Variants in INPP5F observed in about 807,000 individuals in gnomAD.
INPP5F encodes inositol polyphosphate-5-phosphatase F, also known as phosphatidylinositide 4-phosphatase SAC2.
Under a neutral mutation model 137.2 loss-of-function variants are expected in INPP5F, and 97 were observed. The ratio of observed to expected loss-of-function variants is 0.71; its 90% confidence interval spans 0.60 to 0.84. The LOEUF is 0.84. Ranked by LOEUF, INPP5F falls within the 40% of genes least tolerant of loss-of-function variation. The pLI, the probability that INPP5F is intolerant of heterozygous loss-of-function variation, is 0.00. For missense variants in INPP5F, 1,271 were observed against 1,371.9 expected (o/e 0.93, Z 1.16); for synonymous variants, 504 against 476.9 (o/e 1.06, Z -0.74).
chr10:119,777,183 C>T (rs1332370903), intron 2 of INPP5F, among the ~76,000 whole-genome samples: 10 of 152,148 alleles, frequency 6.6e-5, no homozygotes, highest in African/African-American at 1.9e-4. Context: ...GGATGACCCA[C>T]CATGCCTGGC....
chr10:119,773,784 T>A (rs887720373), intron 2 of INPP5F, among the ~76,000 whole-genome samples: 2 of 152,134 alleles, frequency 1.3e-5, no homozygotes, highest in African/African-American at 2.4e-5. Context: ...ACTGACAACT[T>A]CTTGAACTTC....
chr10:119,805,354 A>G, intron 10 of INPP5F, 30 bp from the exon 11 acceptor site: 1 of 1,562,068 alleles, frequency 6.4e-7, no homozygotes, highest in Non-Finnish European at 8.8e-7. Context: ...TAAATTAAAG[A>G]TTTTTTCTTT....
At chr10:119,761,423 T>C (rs1171076557) in intron 2 of INPP5F, among the ~76,000 whole-genome samples, 1 of 152,242 alleles carries the variant, frequency 6.6e-6, no homozygotes, top group East Asian at 1.9e-4. Context: ...GATGTACTTT[T>C]AGCTATTAGG....
intron 6 of INPP5F, among the ~76,000 whole-genome samples, chr10:119,795,814 G>T (rs1317897512): frequency 6.6e-6 from 1 of 152,212 alleles, no homozygotes; most frequent in Non-Finnish European, 1.5e-5. Context: ...ACGAGACTCC[G>T]TCTGCAATCC....
At position 119,794,749 on chromosome 10, in the gene INPP5F, A is replaced by AC. The variant is rs1416525983; in HGVS notation, c.670-1959dup. Among the ~76,000 whole-genome samples, 4 of 43,248 alleles carry AC rather than the reference A, an allele frequency of 9.2e-5. No homozygotes were observed. The East Asian group carries it at 2.2e-3, about 24-fold the overall frequency. 28.4% of individuals were successfully genotyped at this position (43,248 alleles called of 152,430 possible). On this transcript the variant is annotated intron_variant, in intron 6 of 19. Coordinates refer to ENST00000650623, the MANE Select transcript of INPP5F (RefSeq NM_014937.4). ...GGCGGCTGGCCAGGTGGGGGGGCTGACCCCCCCACCTCCCTCCCGGACGGG... is the reference window on the plus strand; with the variant it reads ...GGCGGCTGGCCAGGTGGGGGGGCTGACCCCCCCCACCTCCCTCCCGGACGGG...
chr10:119,732,659 C>A (rs1196089125), intron 1 of INPP5F, among the ~76,000 whole-genome samples: 1 of 151,872 alleles, frequency 6.6e-6, no homozygotes, highest in African/African-American at 2.4e-5. Flanking sequence ...TGCCACCATG[C>A]CTGGCTAATT....
At chr10:119,744,112 T>A (rs550692656) in intron 1 of INPP5F, among the ~76,000 whole-genome samples, 2 of 152,292 alleles carry the variant, frequency 1.3e-5, no homozygotes, top group East Asian at 3.9e-4. Flanking sequence ...TTTTGTTTTC[T>A]CTTCTATTCT....
chr10:119,744,399 CTT>C (rs1186778543), intron 1 of INPP5F, among the ~76,000 whole-genome samples: 1 of 152,164 alleles, frequency 6.6e-6, no homozygotes, highest in Non-Finnish European at 1.5e-5. Context: ...ATCTGCTTCT[CTT>C]CTCCATTTCT....
chr10:119,732,500 CTTT>C (rs59388357), intron 1 of INPP5F, among the ~76,000 whole-genome samples: 2 of 115,556 alleles, frequency 1.7e-5, no homozygotes, highest in African/African-American at 3.4e-5. Flanking sequence ...TTTCTTTTTT[CTTT>C]TTTTTTTTTT....
Position 119,828,684 on chromosome 10 carries a change from ATC to A in INPP5F, c.*906_*907del, listed in dbSNP as rs1372632536. 6.6e-6 allele frequency: 1 copy of A among 152,310 alleles called. No homozygotes were observed. Among genetic ancestry groups the A allele is most frequent in the Non-Finnish European group, 1.5e-5 (1 of 68,150 alleles). 9.4% of individuals were successfully genotyped at this position (152,310 alleles called of 1,614,324 possible). A position where few individuals can be genotyped will look rare whatever the true frequency, so the allele number is the denominator to read the frequency against. ...GAGTTTTGAGACCAGCCTGGGAAAC[ATC>A]TGTCTCTACAAAAAAATACAAAAAT... On this transcript the variant is annotated 3_prime_UTR_variant, in exon 20 of 20. Transcript: ENST00000650623.
At chr10:119,738,646 AATACACAC>A (rs1041900144) in intron 1 of INPP5F, among the ~76,000 whole-genome samples, 76 of 33,220 alleles carry the variant, frequency 2.3e-3, no homozygotes, top group Non-Finnish European at 3.7e-3. Flanking sequence ...ACAGATTTTA[AATACACAC>A]ACACACACAC....
chr10:119,759,232 G>T (rs1340742883), intron 2 of INPP5F, among the ~76,000 whole-genome samples: 1 of 152,174 alleles, frequency 6.6e-6, no homozygotes, highest in Non-Finnish European at 1.5e-5. Context: ...TGTTGCTCAG[G>T]CTGGTCTTGA....
In INPP5F at chr10:119,787,044, G is replaced by A. The variant is rs1319755788; in HGVS notation, c.316-4473G>A. 6.6e-6 allele frequency among the ~76,000 whole-genome samples: 1 copy of A among 151,978 alleles called. No homozygotes were observed. On this transcript the variant is annotated intron_variant, in intron 3 of 19. Transcript: ENST00000650623. This position sits in a 1 kb window ranked among gnomAD's most constrained non-coding sequence, Gnocchi z 4.1. Reference sequence around the variant, plus strand: ...AAGTGGTTCTGGAGCATTACCCCACGATAAAACACATTAATGTTTCTTAAA... The same window carrying A: ...AAGTGGTTCTGGAGCATTACCCCACAATAAAACACATTAATGTTTCTTAAA...
intron 6 of INPP5F, chr10:119,793,526 A>T (rs1850220984): frequency 6.6e-6 from 1 of 151,626 alleles, no homozygotes; most frequent in Non-Finnish European, 1.5e-5. Context: ...ACTTACGGAG[A>T]TAAGAGAGAA....
In INPP5F at chr10:119,822,594, A is replaced by G. The variant is rs537705703; in HGVS notation, c.2032+90A>G. On this transcript the variant is annotated intron_variant, in intron 17 of 19. Coordinates refer to ENST00000650623, the MANE Select transcript of INPP5F (RefSeq NM_014937.4). The stretch of plus-strand genomic sequence containing the variant: ...ATTATTTAAGCAAGAACCTGGTTTA[A>G]GTTTCACCTACAAATGCTTTTCTTC... The G allele has an allele frequency of 3.6e-5, 22 of 609,630 alleles. No homozygotes were observed. In the South Asian group the frequency reaches 4.8e-4, roughly 13 times the overall value. 37.8% of individuals were successfully genotyped at this position (609,630 alleles called of 1,614,324 possible).
At chr10:119,788,705 A>G (rs913809671) in intron 3 of INPP5F, among the ~76,000 whole-genome samples, 5 of 152,326 alleles carry the variant, frequency 3.3e-5, no homozygotes, top group African/African-American at 1.2e-4. Flanking sequence ...AACATGTCAC[A>G]AGGTGCTAGG....
At chr10:119,763,424 A>G (rs1193191574) in intron 2 of INPP5F, among the ~76,000 whole-genome samples, 1 of 152,226 alleles carries the variant, frequency 6.6e-6, no homozygotes, top group Non-Finnish European at 1.5e-5. Flanking sequence ...AGCAGCCCTG[A>G]TGATCTCTTA....
intron 15 of INPP5F, chr10:119,814,387 A>AAAATAAATAAAT (rs532592746): frequency 3.9e-5 from 6 of 152,050 alleles, no homozygotes; most frequent in South Asian, 4.2e-4. Flanking sequence ...GCTCCATCTC[A>AAAATAAATAAAT]AAATAAATAA....
intron 2 of INPP5F, among the ~76,000 whole-genome samples, chr10:119,758,580 A>G (rs906797064): frequency 2.0e-5 from 3 of 152,248 alleles, no homozygotes; most frequent in South Asian, 2.1e-4. Context: ...GATAAGCTCA[A>G]TTAGGGTAAG....
Sources: gnomAD v4.1 joint callset for allele counts (sites outside exome capture counted in the v4.1 genomes callset) on GRCh38, gnomAD v4.1.1 for gene constraint, Gnocchi (gnomAD v3.1) non-coding constraint, MANE v1.5 for transcripts, NCBI Gene and HGNC (gene_info 2026-07-23, HGNC 2026-07-21) for gene names.